The following RASSF3 variants were observed in gnomAD, a reference collection of about 807,000 sequenced individuals.
RASSF3 encodes the protein Ras association domain family member 3.
RASSF3 carries 19 observed loss-of-function variants against 19.9 expected under a neutral mutation model. That is an observed-to-expected ratio of 0.96 (90% CI 0.67 to 1.40). The LOEUF (loss-of-function observed/expected upper bound fraction) is 1.40, where lower values mean the gene tolerates loss of function less well. RASSF3 is among the 40% of genes most tolerant of loss of function. RASSF3 has a pLI of 0.00. For missense variants in RASSF3, 306 were observed against 289.8 expected (o/e 1.06, Z -0.41); for synonymous variants, 110 against 104.2 (o/e 1.06, Z -0.34).
intron 1 of RASSF3, among the ~76,000 whole-genome samples, chr12:64,516,475 C>T (rs913737507): frequency 6.0e-5 from 9 of 149,480 alleles, no homozygotes; most frequent in African/African-American, 1.3e-4. Context: ...AAAAATTAGC[C>T]GGGCGTAGTG....
intron 1 of RASSF3, among the ~76,000 whole-genome samples, chr12:64,643,322 T>A (rs1309473114): frequency 1.3e-5 from 2 of 152,216 alleles, no homozygotes; most frequent in East Asian, 3.9e-4. Context: ...ACTGTTAAAG[T>A]GTTAGATGCA....
intron 1 of RASSF3, among the ~76,000 whole-genome samples, chr12:64,642,209 C>G (rs1000548471): frequency 6.6e-6 from 1 of 151,962 alleles, no homozygotes; most frequent in African/African-American, 2.4e-5. Flanking sequence ...AATTGTACTT[C>G]TAAAAAACTA....
chr12:64,525,926 AAG>A (rs1260447645), intron 1 of RASSF3, among the ~76,000 whole-genome samples: 3 of 79,952 alleles, frequency 3.8e-5, no homozygotes, highest in African/African-American at 9.6e-5. Flanking sequence ...AAAGGCTGCA[AAG>A]AGTCTCAAGT....
chr12:64,629,425 C>G (rs867084996), intron 1 of RASSF3, among the ~76,000 whole-genome samples: 1 of 152,054 alleles, frequency 6.6e-6, no homozygotes, highest in Non-Finnish European at 1.5e-5. Context: ...ATTCTTCCAG[C>G]TAGAAGGACT....
chr12:64,558,920 C>T (rs1359424368), intron 2 of RASSF3, among the ~76,000 whole-genome samples: 10 of 152,148 alleles, frequency 6.6e-5, no homozygotes, highest in African/African-American at 2.4e-4. Flanking sequence ...ACGCTGCACC[C>T]TCTTGGCTCC....
upstream of RASSF3, among the ~76,000 whole-genome samples, chr12:64,608,990 C>A (rs1341104315): frequency 1.3e-5 from 2 of 152,158 alleles, no homozygotes; most frequent in Non-Finnish European, 2.9e-5. Context: ...GGCCCTCCTT[C>A]TGGAGTTGTT....
chr12:64,667,945 T>G (rs1872578852), intron 1 of RASSF3, among the ~76,000 whole-genome samples: 1 of 152,218 alleles, frequency 6.6e-6, no homozygotes, highest in Non-Finnish European at 1.5e-5. Flanking sequence ...AAGATGTACT[T>G]TCCCAAGGTC....
At chr12:64,667,930 C>T (rs34002582) in intron 1 of RASSF3, among the ~76,000 whole-genome samples, 16,792 of 152,224 alleles carry the variant, frequency 0.11, 1,219 homozygotes, top group South Asian at 0.22. Context: ...AAAGTAACAC[C>T]TGGAAAGATG....
intron 1 of RASSF3, among the ~76,000 whole-genome samples, chr12:64,627,054 A>G (rs934838621): frequency 1.3e-5 from 2 of 152,170 alleles, no homozygotes; most frequent in African/African-American, 4.8e-5. Context: ...AACATTATAG[A>G]GGGGTTAAAT....
chr12:64,515,026 T>TTTTA (rs553529061), intron 1 of RASSF3, among the ~76,000 whole-genome samples: 5 of 149,570 alleles, frequency 3.3e-5, no homozygotes, highest in Non-Finnish European at 7.4e-5. Context: ...ATTTTATTTA[T>TTTTA]TTTATTTATT....
chr12:64,653,382 C>A (rs757610685), intron 1 of RASSF3, among the ~76,000 whole-genome samples: 2 of 152,094 alleles, frequency 1.3e-5, no homozygotes, highest in Non-Finnish European at 1.5e-5. Context: ...TCACACCTGG[C>A]CTAATATCCC....
intron 2 of RASSF3, among the ~76,000 whole-genome samples, chr12:64,562,674 G>A (rs1592401540): frequency 1.3e-5 from 2 of 151,988 alleles, no homozygotes; most frequent in Non-Finnish European, 1.5e-5. Context: ...AGGCTGGAGT[G>A]CAATGGCTTG....
intron 2 of RASSF3, among the ~76,000 whole-genome samples, chr12:64,600,805 T>C (rs1009159838): frequency 2.6e-5 from 4 of 152,210 alleles, no homozygotes; most frequent in Admixed American, 2.0e-4. Flanking sequence ...ACATTGTTAC[T>C]ATATTTGGTT....
intron 2 of RASSF3, among the ~76,000 whole-genome samples, chr12:64,594,602 A>G (rs1471400132): frequency 6.6e-6 from 1 of 152,262 alleles, no homozygotes; most frequent in Admixed American, 6.5e-5. Context: ...ACATGCTGCT[A>G]TAAGGAAATC....
At chr12:64,642,335 A>C (rs1376557366) in intron 1 of RASSF3, among the ~76,000 whole-genome samples, 1 of 151,874 alleles carries the variant, frequency 6.6e-6, no homozygotes, top group East Asian at 1.9e-4. Context: ...CGAGGCAGGC[A>C]GATCACCTAA....
intron 1 of RASSF3, among the ~76,000 whole-genome samples, chr12:64,624,777 G>A (rs1870926144): frequency 1.3e-5 from 2 of 152,050 alleles, no homozygotes; most frequent in African/African-American, 4.8e-5. Context: ...TCCTGCCTCA[G>A]CATCCCGAGT....
chr12:64,598,345 C>T lies in RASSF3; in HGVS notation c.294+56640C>T, dbSNP rs188329298. On this transcript the variant is annotated intron_variant, in intron 2 of 5. Transcript: ENST00000637125. ...ATTGTTCTATGGGGAATATTTTTTTCGTTAACTAGTTTATAAGGTTTTGAA... is the reference window on the plus strand; with the variant it reads ...ATTGTTCTATGGGGAATATTTTTTTTGTTAACTAGTTTATAAGGTTTTGAA... 5.6e-4 allele frequency among the ~76,000 whole-genome samples: 85 copies of T among 152,160 alleles called. 1 individual carries two copies. The highest frequency in any genetic ancestry group is 3.4e-3 in the Middle Eastern group (1 of 294).
intron 1 of RASSF3, among the ~76,000 whole-genome samples, chr12:64,668,890 C>T (rs1322418530): frequency 1.3e-5 from 2 of 151,470 alleles, no homozygotes; most frequent in African/African-American, 2.4e-5. Context: ...ACCGTGGTCT[C>T]GATCTCCTGA....
intron 2 of RASSF3, among the ~76,000 whole-genome samples, chr12:64,554,421 C>T (rs1245175498): frequency 6.6e-6 from 1 of 152,204 alleles, no homozygotes; most frequent in Non-Finnish European, 1.5e-5. Context: ...TCTCCTGCCT[C>T]AGCTTCCTGA....
Sources: gnomAD v4.1 joint callset for allele counts (sites outside exome capture counted in the v4.1 genomes callset) on GRCh38, gnomAD v4.1.1 for gene constraint, MANE v1.5 for transcripts, NCBI Gene and HGNC (gene_info 2026-07-23, HGNC 2026-07-21) for gene names.